Variants in TRIP12 observed in about 807,000 individuals in gnomAD.
TRIP12 encodes the protein E3 ubiquitin-protein ligase TRIP12.
In TRIP12, 25 loss-of-function variants were observed where a neutral mutation model predicts 244.2. That is an observed-to-expected ratio of 0.10 (90% CI 0.07 to 0.14). The LOEUF is 0.14. Among genes scored for constraint, TRIP12 ranks in the 10% least tolerant of loss-of-function variants. The pLI, the probability that TRIP12 is intolerant of heterozygous loss-of-function variation, is 1.00. For missense variants in TRIP12, 1,677 were observed against 2,486.4 expected (o/e 0.67, Z 6.92); for synonymous variants, 905 against 873.1 (o/e 1.04, Z -0.64).
chr2:229,889,690 T>C lies in TRIP12; in HGVS notation c.-49-9562A>G, dbSNP rs1447980822. 5.0e-4 allele frequency among the ~76,000 whole-genome samples: 76 copies of C among 152,198 alleles called. 2 individuals carry two copies. The highest frequency in any genetic ancestry group is 4.9e-3 in the Admixed American group (75 of 15,280). On this transcript the variant is annotated intron_variant, in intron 1 of 41. Coordinates refer to ENST00000675903, the MANE Select transcript of TRIP12 (RefSeq NM_001348323.3). ...CAAATTTTTTAAGACTCCAACCTAA[T>C]GTTTATTTCAGTTTTTCTTCAATGG...
intron 6 of TRIP12, chr2:229,831,197 G>C (rs1267530165): frequency 1.4e-6 from 1 of 690,786 alleles, no homozygotes; most frequent in Non-Finnish European, 2.6e-6. Flanking sequence ...TTATTTAACA[G>C]ATGGCCAATT....
In TRIP12 at chr2:229,814,217, C is replaced by T. The variant is rs775076128; in HGVS notation, c.1824+16G>A. 1.7e-5 allele frequency: 28 copies of T among 1,611,538 alleles called. No individual in the cohort carries two copies. In the Admixed American group the frequency reaches 4.7e-4, roughly 27 times the overall value. On this transcript the variant is annotated intron_variant, in intron 12 of 41. Coordinates refer to ENST00000675903, the MANE Select transcript of TRIP12 (RefSeq NM_001348323.3). ...ACATAAAGTGAAATGTAGTCCCCTT[C>T]AGTAACAACACTTACCGCCTGTAGA... is the stretch of plus-strand genomic sequence containing the variant.
At chr2:229,768,258 G>A (rs1038932841) in intron 41 of TRIP12, among the ~76,000 whole-genome samples, 1 of 152,126 alleles carries the variant, frequency 6.6e-6, no homozygotes, top group Admixed American at 6.6e-5. Flanking sequence ...GTGAGATCCT[G>A]TCTCAAAAAA....
chr2:229,850,415 A>G (rs1185282551), intron 4 of TRIP12, among the ~76,000 whole-genome samples: 1 of 152,250 alleles, frequency 6.6e-6, no homozygotes, highest in East Asian at 1.9e-4. Context: ...CTTGTAATAT[A>G]GAAAACTGAC....
intron 20 of TRIP12, among the ~76,000 whole-genome samples, chr2:229,802,824 G>C (rs1262582368): frequency 6.6e-6 from 1 of 152,030 alleles, no homozygotes; most frequent in Admixed American, 6.6e-5. Context: ...CAGAAGGGAT[G>C]GAAAAGACCA....
At chr2:229,872,550 C>T (rs1263106926) in intron 2 of TRIP12, among the ~76,000 whole-genome samples, 1 of 151,926 alleles carries the variant, frequency 6.6e-6, no homozygotes, top group Non-Finnish European at 1.5e-5. Context: ...TGAGACAGAG[C>T]AAGACTCTGT....
chr2:229,915,772 C>A (rs569684120), intron 1 of TRIP12, among the ~76,000 whole-genome samples: 1 of 152,226 alleles, frequency 6.6e-6, no homozygotes, highest in East Asian at 1.9e-4. Flanking sequence ...CAGCTCAGCA[C>A]AGCTTCCATC....
chr2:229,873,467 T>C (rs1376560850), intron 2 of TRIP12, among the ~76,000 whole-genome samples: 2 of 152,224 alleles, frequency 1.3e-5, no homozygotes, highest in African/African-American at 4.8e-5. Flanking sequence ...GGCCACCATT[T>C]GTAAATGATT....
At chr2:229,889,599 T>C (rs75764623) in intron 1 of TRIP12, among the ~76,000 whole-genome samples, 6,587 of 152,264 alleles carry the variant, frequency 0.043, 482 homozygotes, top group African/African-American at 0.15. Flanking sequence ...AGCTTATCAA[T>C]AGTCTTTCTA....
At chr2:229,903,916 T>C (rs2071858345) in intron 1 of TRIP12, among the ~76,000 whole-genome samples, 1 of 149,998 alleles carries the variant, frequency 6.7e-6, no homozygotes. Flanking sequence ...ACGCCTATAG[T>C]CTGATCTACT....
chr2:229,775,024 C>G (rs964111913), intron 37 of TRIP12, among the ~76,000 whole-genome samples: 4 of 152,022 alleles, frequency 2.6e-5, no homozygotes, highest in African/African-American at 4.8e-5. Context: ...CTGAAGACAA[C>G]AAGTTAGGAG....
intron 1 of TRIP12, among the ~76,000 whole-genome samples, chr2:229,913,128 G>A (rs922302580): frequency 6.6e-6 from 1 of 152,136 alleles, no homozygotes; most frequent in Non-Finnish European, 1.5e-5. Context: ...GGAATTACAG[G>A]CATGAGCCAC....
At position 229,819,078 on chromosome 2, in the gene TRIP12, ACACACAC is replaced by A. The variant is rs750815066; in HGVS notation, c.1451-573_1451-567del. 9.7e-3 allele frequency among the ~76,000 whole-genome samples: 1,433 copies of A among 147,782 alleles called. 13 individuals are homozygous for A. Among genetic ancestry groups the A allele is most frequent in the Non-Finnish European group, 0.016 (1,033 of 66,334 alleles). On this transcript the variant is annotated intron_variant, in intron 8 of 41. Coordinates refer to ENST00000675903, the MANE Select transcript of TRIP12 (RefSeq NM_001348323.3). ...CACACACACACACACACACACACAC[ACACACAC>A]AATTATAAACCCTTGCATCCTCTTT...
intron 13 of TRIP12, among the ~76,000 whole-genome samples, chr2:229,811,883 GAAT>G (rs1487918921): frequency 1.3e-5 from 2 of 152,062 alleles, no homozygotes; most frequent in East Asian, 1.9e-4. Context: ...ACAAAAATGA[GAAT>G]AATTCAGATA....
intron 4 of TRIP12, among the ~76,000 whole-genome samples, chr2:229,848,765 A>G (rs2058079816): frequency 6.6e-6 from 1 of 152,220 alleles, no homozygotes; most frequent in Non-Finnish European, 1.5e-5. Context: ...GGAATAAATC[A>G]GAACTAGGAA....
intron 8 of TRIP12, among the ~76,000 whole-genome samples, chr2:229,819,014 G>A (rs1398778873): frequency 6.9e-6 from 1 of 144,546 alleles, no homozygotes; most frequent in African/African-American, 2.6e-5. Context: ...AAAGAGAATG[G>A]AAAGAATATT....
At chr2:229,832,339 G>A (rs894901873) in intron 6 of TRIP12, among the ~76,000 whole-genome samples, 1 of 152,148 alleles carries the variant, frequency 6.6e-6, no homozygotes, top group African/African-American at 2.4e-5. Flanking sequence ...TTGAGTACTT[G>A]CAACAGAGAC....
intron 6 of TRIP12, among the ~76,000 whole-genome samples, chr2:229,831,446 G>A (rs1009319133): frequency 6.6e-6 from 1 of 152,188 alleles, no homozygotes; most frequent in East Asian, 1.9e-4. Flanking sequence ...GACCATGGCA[G>A]AAGGATCATT....
At chr2:229,775,386 T>TAAA (rs373514087) in intron 37 of TRIP12, among the ~76,000 whole-genome samples, 4 of 129,784 alleles carry the variant, frequency 3.1e-5, no homozygotes, top group Admixed American at 2.3e-4. Context: ...CACAAAGATT[T>TAAA]AAAAAAAAAA....
Sources: gnomAD v4.1 joint callset for allele counts (sites outside exome capture counted in the v4.1 genomes callset) on GRCh38, gnomAD v4.1.1 for gene constraint, MANE v1.5 for transcripts, NCBI Gene and HGNC (gene_info 2026-07-23, HGNC 2026-07-21) for gene names.